BTG3: variants seen among roughly 807,000 people sequenced by gnomAD.
BTG3 encodes the protein BTG anti-proliferation factor 3.
In BTG3, 4 loss-of-function variants were observed where a neutral mutation model predicts 25.8. That is an observed-to-expected ratio of 0.16 (90% CI 0.08 to 0.36). The LOEUF (loss-of-function observed/expected upper bound fraction) is 0.36. Ranked by LOEUF, BTG3 falls within the 10% of genes least tolerant of loss-of-function variation. BTG3 has a pLI of 1.00. For missense variants in BTG3, 201 were observed against 304.9 expected, an observed-to-expected ratio of 0.66 and a Z score of 2.54; for synonymous variants, 107 against 99.9, an observed-to-expected ratio of 1.07 and a Z score of -0.42.
chr21:17,594,351 ATTAAG>A lies in BTG3; in HGVS notation c.520-24_520-20del, dbSNP rs766724664. ...CTGAAATCTGTAGGGAAGAGAACAC[ATTAAG>A]TTAATTCAAAGGAAAAAATCATCAT... On this transcript the variant is annotated intron_variant, in intron 4 of 4. Coordinates refer to ENST00000348354, the MANE Select transcript of BTG3 (RefSeq NM_006806.5). 7 of 1,598,760 alleles carry A rather than the reference ATTAAG, an allele frequency of 4.4e-6. No homozygotes were observed. Among genetic ancestry groups the A allele is most frequent in the Admixed American group, 1.8e-5 (1 of 56,742 alleles).
chr21:17,605,879 T>C (rs2061633395), intron 2 of BTG3, among the ~76,000 whole-genome samples: 1 of 152,202 alleles, frequency 6.6e-6, no homozygotes, highest in African/African-American at 2.4e-5. Flanking sequence ...GTAAGCCTAG[T>C]TAAGTCACTG....
chr21:17,599,742 AGTGCTGGGTTTATAGGCGTGAGCCATCAC>A (rs1228969384), intron 3 of BTG3, among the ~76,000 whole-genome samples: 1 of 152,176 alleles, frequency 6.6e-6, no homozygotes, highest in Non-Finnish European at 1.5e-5. Context: ...GGCCTCCCAA[AGTGCTGGGTTTATAGGCGTGAGCCATCAC>A]GCCCAGCCCC....
At chr21:17,604,717 A>C in intron 3 of BTG3, 143 bp downstream of exon 3, 2 of 1,057,822 alleles carry the variant, frequency 1.9e-6, no homozygotes, top group Non-Finnish European at 2.6e-6. Context: ...CCTCCAGAAA[A>C]GTATTTCATA....
chr21:17,609,464 G>A (rs142479002), intron 1 of BTG3, among the ~76,000 whole-genome samples: 7 of 152,192 alleles, frequency 4.6e-5, no homozygotes, highest in South Asian at 4.2e-4. Context: ...TAAATGATAC[G>A]ACATAGATGT....
chr21:17,611,606 A>C (rs535869329), intron 1 of BTG3: 1 of 152,448 alleles, frequency 6.6e-6, no homozygotes, highest in East Asian at 1.9e-4. Flanking sequence ...AGAGGCAAGC[A>C]GGGCCAAGAA....
At chr21:17,604,184 CT>C in intron 3 of BTG3, 1 of 1,254,500 alleles carries the variant, frequency 8.0e-7, no homozygotes, top group Non-Finnish European at 1.0e-6. Context: ...TGGCTCACGC[CT>C]GTAATCCAGC....
Position 17,612,847 on chromosome 21 carries a change from G to A in BTG3, c.-157C>T, listed in dbSNP as rs968050543. The A allele has an allele frequency of 2.6e-5, 4 of 152,128 alleles. No homozygotes were observed. Among genetic ancestry groups the A allele is most frequent in the Non-Finnish European group, 2.9e-5 (2 of 68,046 alleles). The allele number at this position is 152,128 out of a possible 1,614,324, so 9.4% of individuals were successfully genotyped here. A position where few individuals can be genotyped will look rare whatever the true frequency, so the allele number is the denominator to read the frequency against. On this transcript the variant is annotated 5_prime_UTR_variant, in exon 1 of 5. Coordinates refer to ENST00000348354, the MANE Select transcript of BTG3 (RefSeq NM_006806.5). ...CGGCGCGTGCGGCTCCCGCGTCGTC[G>A]GGCGGCCAAGCGCGCGTTGAGAGGA...
At chr21:17,600,306 C>T (rs1252913381) in intron 3 of BTG3, among the ~76,000 whole-genome samples, 1 of 152,024 alleles carries the variant, frequency 6.6e-6, no homozygotes, top group Non-Finnish European at 1.5e-5. Flanking sequence ...TATTGTTAAG[C>T]GGTTCTTACA....
intron 4 of BTG3, among the ~76,000 whole-genome samples, chr21:17,594,959 A>G (rs2061485807): frequency 1.3e-5 from 2 of 151,950 alleles, no homozygotes; most frequent in Non-Finnish European, 2.9e-5. Context: ...ATGTTTACCT[A>G]TGGAACAAAC....
chr21:17,611,993 GA>G (rs879906603), intron 1 of BTG3: 4 of 152,258 alleles, frequency 2.6e-5, no homozygotes, highest in African/African-American at 4.8e-5. Context: ...ACAAAGCCAT[GA>G]AGAGGGGAAA....
At chr21:17,594,440 T>G in intron 4 of BTG3, 108 bp from the exon 5 acceptor site, 1 of 1,293,784 alleles carries the variant, frequency 7.7e-7, no homozygotes, top group Non-Finnish European at 1.1e-6. Context: ...TGAGATCACA[T>G]CTAAGTGACA....
chr21:17,595,803 C>T (rs986854736), intron 4 of BTG3, among the ~76,000 whole-genome samples: 2 of 151,932 alleles, frequency 1.3e-5, no homozygotes, highest in African/African-American at 4.8e-5. Flanking sequence ...ATATTTAATA[C>T]TTAGGAGTGG....
intron 2 of BTG3, among the ~76,000 whole-genome samples, chr21:17,607,900 T>TTA (rs2061665678): frequency 6.6e-6 from 1 of 152,206 alleles, no homozygotes; most frequent in African/African-American, 2.4e-5. Flanking sequence ...CCAGGGCATG[T>TTA]TTTATAGGAG....
intron 3 of BTG3, among the ~76,000 whole-genome samples, chr21:17,601,047 C>T (rs985686404): frequency 3.3e-5 from 5 of 152,068 alleles, no homozygotes; most frequent in Non-Finnish European, 1.5e-5. Context: ...CCTGTAATCC[C>T]AGCTACTCGG....
chr21:17,611,596 A>T (rs957388651), intron 1 of BTG3: 4 of 152,460 alleles, frequency 2.6e-5, no homozygotes, highest in African/African-American at 9.6e-5. Flanking sequence ...AAGAACCACC[A>T]GAGGCAAGCA....
chr21:17,594,350 CATTAA>C lies in BTG3; in HGVS notation c.520-23_520-19del. ...TCTGAAATCTGTAGGGAAGAGAACA[CATTAA>C]GTTAATTCAAAGGAAAAAATCATCA... On this transcript the variant is annotated intron_variant, in intron 4 of 4. Transcript: ENST00000348354. The C allele has an allele frequency of 6.3e-7, 1 of 1,598,860 alleles. No homozygotes were observed. Among genetic ancestry groups the C allele is most frequent in the Non-Finnish European group, 8.5e-7 (1 of 1,173,886 alleles).
chr21:17,605,258 C>G (rs2123465254), intron 2 of BTG3: 1 of 282,152 alleles, frequency 3.5e-6, no homozygotes, highest in African/African-American at 2.2e-5. Flanking sequence ...GAGACTTGAC[C>G]ACCCATGTAC....
At chr21:17,595,166 TA>T in intron 4 of BTG3, among the ~76,000 whole-genome samples, 1 of 152,044 alleles carries the variant, frequency 6.6e-6, no homozygotes, top group Non-Finnish European at 1.5e-5. Context: ...GATTATCCCA[TA>T]AATCAGGTGG....
At chr21:17,605,171 G>C in intron 2 of BTG3, 174 bp from the exon 3 acceptor site, 1 of 685,078 alleles carries the variant, frequency 1.5e-6, no homozygotes, top group Non-Finnish European at 2.2e-6. Context: ...TACAGGCACA[G>C]AGGCAGCCTG....
Sources: allele counts gnomAD v4.1 joint callset (sites outside exome capture counted in the v4.1 genomes callset), GRCh38; gene constraint gnomAD v4.1.1; transcripts MANE v1.5; gene names NCBI Gene and HGNC (gene_info 2026-07-23, HGNC 2026-07-21).